The following DNM3 variants were observed in gnomAD, a reference collection of about 807,000 sequenced individuals.
DNM3 encodes the protein dynamin 3, also known as dynamin-3.
DNM3 carries 47 observed loss-of-function variants against 101.6 expected under a neutral mutation model. The ratio of observed to expected loss-of-function variants is 0.46; its 90% CI spans 0.37 to 0.59. The LOEUF is 0.59. DNM3 is among the 20% of genes least tolerant of loss of function. The probability of loss-of-function intolerance (pLI) is 0.00; values close to 1 mark genes in which losing one functional copy is unlikely to be tolerated. For missense variants in DNM3, 849 were observed against 1,085.7 expected (o/e 0.78, Z 3.06); for synonymous variants, 385 against 387.9 (o/e 0.99, Z 0.09).
intron 13 of DNM3, among the ~76,000 whole-genome samples, chr1:172,130,634 T>C (rs1449141624): frequency 1.3e-5 from 2 of 152,198 alleles, no homozygotes; most frequent in Admixed American, 1.3e-4. Flanking sequence ...TTCATTTTAG[T>C]TTATTATTTT....
intron 14 of DNM3, chr1:172,144,338 C>T (rs1474181332): frequency 1.0e-5 from 2 of 190,916 alleles, no homozygotes; most frequent in African/African-American, 4.7e-5. Flanking sequence ...TGGTCACAGA[C>T]CAGGTGAGCA....
At chr1:172,299,800 T>A (rs2064349895) in intron 15 of DNM3, among the ~76,000 whole-genome samples, 1 of 152,172 alleles carries the variant, frequency 6.6e-6, no homozygotes, top group African/African-American at 2.4e-5. Flanking sequence ...GACACCTAGG[T>A]TGATTCAATG....
In DNM3 at chr1:172,188,769, G is replaced by A. The variant is rs1234218995; in HGVS notation, c.1659+57481G>A. On this transcript the variant is annotated intron_variant, in intron 14 of 20. Coordinates refer to ENST00000627582, the MANE Select transcript of DNM3 (RefSeq NM_015569.5). The stretch of plus-strand genomic sequence containing the variant: ...AAGAAACTACCAAATTATCTTTACA[G>A]GTGGCTGCATCATTTTGCATTCCTT... Among the ~76,000 whole-genome samples the A allele has an allele frequency of 2.0e-5, 3 of 152,068 alleles. No individual in the cohort carries two copies. The East Asian group carries it at 5.8e-4, about 29-fold the overall frequency.
At chr1:172,155,688 C>T (rs61807786) in intron 14 of DNM3, among the ~76,000 whole-genome samples, 31,086 of 151,958 alleles carry the variant, frequency 0.2, 4,213 homozygotes, top group Non-Finnish European at 0.3. Flanking sequence ...ATTTATCAGA[C>T]GCCTGTGATG....
intron 17 of DNM3, among the ~76,000 whole-genome samples, chr1:172,334,213 T>C (rs1313521150): frequency 2.0e-5 from 3 of 152,160 alleles, no homozygotes; most frequent in Non-Finnish European, 2.9e-5. Flanking sequence ...GGATACCACT[T>C]TTATACTATC....
At chr1:171,980,008 A>G (rs2125584393) in intron 2 of DNM3, among the ~76,000 whole-genome samples, 1 of 152,184 alleles carries the variant, frequency 6.6e-6, no homozygotes, top group East Asian at 1.9e-4. Context: ...CCTGCTTGGC[A>G]CCAGCTTTTT....
chr1:172,275,973 G>A (rs952738351), intron 15 of DNM3, among the ~76,000 whole-genome samples: 2 of 152,074 alleles, frequency 1.3e-5, no homozygotes, highest in Admixed American at 6.6e-5. Context: ...CTCAGAAAAA[G>A]ATATCAGCAT....
At chr1:172,168,372 T>C (rs2058829825) in intron 14 of DNM3, among the ~76,000 whole-genome samples, 1 of 152,012 alleles carries the variant, frequency 6.6e-6, no homozygotes, top group Non-Finnish European at 1.5e-5. Flanking sequence ...TAAAGGAGAA[T>C]CCTGTATATT....
intron 15 of DNM3, among the ~76,000 whole-genome samples, chr1:172,275,234 A>G (rs1167652043): frequency 1.3e-5 from 2 of 152,000 alleles, no homozygotes; most frequent in Admixed American, 1.3e-4. Flanking sequence ...AAATTATTGG[A>G]TAGATCAAAT....
At chr1:172,064,736 C>T (rs375141518) in intron 10 of DNM3, among the ~76,000 whole-genome samples, 27 of 152,074 alleles carry the variant, frequency 1.8e-4, no homozygotes, top group African/African-American at 6.5e-4. Flanking sequence ...TCTTATACTC[C>T]CACAATCAGT....
At position 172,214,707 on chromosome 1, in the gene DNM3, A is replaced by C. The variant is rs577032349; in HGVS notation, c.1660-38866A>C. ...GAACAAGCTAGGATATAAATTTAAA[A>C]GTAAATGCATAGGAGTGTGGGTATA... is the stretch of plus-strand genomic sequence containing the variant. On this transcript the variant is annotated intron_variant, in intron 14 of 20. Coordinates refer to ENST00000627582, the MANE Select transcript of DNM3 (RefSeq NM_015569.5). Among the ~76,000 whole-genome samples, 4 of 152,326 alleles carry C rather than the reference A, an allele frequency of 2.6e-5. No individual in the cohort carries two copies. The East Asian group carries it at 5.8e-4, about 22-fold the overall frequency.
chr1:171,996,476 G>A (rs763022834), intron 4 of DNM3, among the ~76,000 whole-genome samples: 2 of 152,036 alleles, frequency 1.3e-5, no homozygotes, highest in South Asian at 2.1e-4. Flanking sequence ...CACACCATGT[G>A]CTTATGGTAT....
At chr1:172,036,247 C>T (rs10797722) in intron 6 of DNM3, among the ~76,000 whole-genome samples, 52,809 of 144,482 alleles carry the variant, frequency 0.37, 9,940 homozygotes, top group East Asian at 0.62. Flanking sequence ...TGAGTGAGAA[C>T]ATGCGGTGTT....
At chr1:172,190,788 G>A (rs914632002) in intron 14 of DNM3, among the ~76,000 whole-genome samples, 2 of 152,166 alleles carry the variant, frequency 1.3e-5, no homozygotes, top group Non-Finnish European at 1.5e-5. Context: ...ATTTTTTCAT[G>A]TGTCTGTTGG....
downstream of DNM3, among the ~76,000 whole-genome samples, chr1:172,413,608 T>C (rs891199554): frequency 6.6e-6 from 1 of 152,222 alleles, no homozygotes; most frequent in Non-Finnish European, 1.5e-5. Context: ...TTCCAGAGAA[T>C]AGAGGAAGAC....
At position 172,308,836 on chromosome 1, in the gene DNM3, T is replaced by C; in HGVS notation, c.1878T>C (p.Ser626=). 1.3e-6 allele frequency: 2 copies of C among 1,575,816 alleles called. No homozygotes were observed. The highest frequency in any genetic ancestry group is 1.7e-6 in the Non-Finnish European group (2 of 1,149,584). ...GAGCTGGGGTCTATCCTGACAAATC[T>C]GTAGTAAGTTGGATATATCTCTTAT... ...LLRAGVYPDK[S]VGNNKAENDE... The change falls in exon 16 of 21, where the codon TCT becomes TCC. Residue 626 remains serine, a synonymous_variant. Coordinates refer to ENST00000627582, the MANE Select transcript of DNM3 (RefSeq NM_015569.5).
At chr1:172,140,629 G>A (rs2057520560) in intron 14 of DNM3, 1 of 151,792 alleles carries the variant, frequency 6.6e-6, no homozygotes, top group African/African-American at 2.4e-5. Flanking sequence ...TTGTGAGTTT[G>A]TATGTTATGC....
intron 17 of DNM3, among the ~76,000 whole-genome samples, chr1:172,362,823 T>G (rs1242083326): frequency 6.6e-6 from 1 of 151,654 alleles, no homozygotes; most frequent in Non-Finnish European, 1.5e-5. Flanking sequence ...TGTTAAAGAT[T>G]CTTCCATCAT....
At chr1:171,957,635 G>A (rs553688440) in intron 2 of DNM3, among the ~76,000 whole-genome samples, 19 of 152,064 alleles carry the variant, frequency 1.2e-4, no homozygotes, top group South Asian at 2.1e-4. Flanking sequence ...AATTTCTCCC[G>A]CCAGGTACCC....
Sources: allele counts gnomAD v4.1 joint callset (sites outside exome capture counted in the v4.1 genomes callset), GRCh38; gene constraint gnomAD v4.1.1; transcripts MANE v1.5; gene names NCBI Gene and HGNC (gene_info 2026-07-23, HGNC 2026-07-21).